ADAMTS5: variants seen among roughly 807,000 people sequenced by gnomAD.
The protein encoded by ADAMTS5 is ADAM metallopeptidase with thrombospondin type 1 motif 5, also known as A disintegrin and metalloproteinase with thrombospondin motifs 5.
ADAMTS5 carries 54 observed loss-of-function variants against 81.4 expected under a neutral mutation model. The ratio of observed to expected loss-of-function variants is 0.66; its 90% CI spans 0.53 to 0.83. The LOEUF (loss-of-function observed/expected upper bound fraction) is 0.83. Ranked by LOEUF, ADAMTS5 falls within the 40% of genes least tolerant of loss-of-function variation. The probability of loss-of-function intolerance (pLI) is 0.00; values close to 1 mark genes in which losing one functional copy is unlikely to be tolerated. For synonymous variants in ADAMTS5, 532 were observed against 508.8 expected, an observed-to-expected ratio of 1.05 and a Z score of -0.61; for missense variants, 1,194 against 1,229.9, an observed-to-expected ratio of 0.97 and a Z score of 0.44.
intron 7 of ADAMTS5, among the ~76,000 whole-genome samples, chr21:26,924,999 A>G (rs1413406657): frequency 6.6e-6 from 1 of 152,228 alleles, no homozygotes; most frequent in Non-Finnish European, 1.5e-5. Context: ...TTTAAACACA[A>G]ACTGACAAAA....
chr21:26,960,429 G>A (rs964275825), intron 1 of ADAMTS5, among the ~76,000 whole-genome samples: 1 of 152,150 alleles, frequency 6.6e-6, no homozygotes, highest in African/African-American at 2.4e-5. Context: ...TTTGGAGATA[G>A]GGCCTACAAG....
At chr21:26,951,440 T>G (rs1329028578) in intron 2 of ADAMTS5, among the ~76,000 whole-genome samples, 1 of 151,940 alleles carries the variant, frequency 6.6e-6, no homozygotes, top group Non-Finnish European at 1.5e-5. Context: ...ACTTTGACCA[T>G]ATACACATCT....
At position 26,933,552 on chromosome 21, in the gene ADAMTS5, A is replaced by C. The variant is rs16979458; in HGVS notation, c.1690-508T>G. ...GTCTGTGACCGACTCCATGACGTTC[A>C]TAAATGTACCGGACCCAACTTGGCT... On this transcript the variant is annotated intron_variant, in intron 4 of 7. Coordinates refer to ENST00000284987, the MANE Select transcript of ADAMTS5 (RefSeq NM_007038.5). Among the ~76,000 whole-genome samples the C allele has an allele frequency of 0.016, 2,363 of 152,324 alleles. 176 individuals are homozygous for C. The East Asian group carries it at 0.24, about 15-fold the overall frequency.
At chr21:26,927,776 C>T (rs540272311) in intron 7 of ADAMTS5, among the ~76,000 whole-genome samples, 4 of 151,792 alleles carry the variant, frequency 2.6e-5, no homozygotes, top group African/African-American at 7.2e-5. Flanking sequence ...CAGAGGTCAG[C>T]GAGAAGACTG....
rs745414572 is a variant in ADAMTS5 at position 26,966,020 on chromosome 21, C to A, written c.372G>T (p.Trp124Cys). ...VPAGGGTSAP[W>C]RHRSHCFYRG... ...GATAGAAGCAGTGGCTCCGGTGGCG[C>A]CAGGGCGCACTCGTCCCGCCTCCTG... is the stretch of plus-strand genomic sequence containing the variant. Residue 124 changes from tryptophan to cysteine, a missense_variant, in exon 1 of 8, where the codon TGG becomes TGT. Physicochemically the swap from Trp to Cys is radical, Grantham distance 215. Coordinates refer to ENST00000284987, the MANE Select transcript of ADAMTS5 (RefSeq NM_007038.5). 1.9e-6 allele frequency: 3 copies of A among 1,612,930 alleles called. No homozygotes were observed. In the African/African-American group the frequency reaches 4.0e-5, roughly 22 times the overall value.
intron 5 of ADAMTS5, among the ~76,000 whole-genome samples, 192 bp from the exon 6 acceptor site, chr21:26,932,371 T>C (rs976531272): frequency 6.6e-6 from 1 of 152,102 alleles, no homozygotes; most frequent in African/African-American, 2.4e-5. Flanking sequence ...ATTCCAATTC[T>C]CTGAATATTG....
Position 26,966,088 on chromosome 21 carries a change from G to T in ADAMTS5, c.304C>A (p.Leu102Met). ...ATGCCCACCGAACCATCTCGCTCCA[G>T]GTCCAAGAGGAACCTCCGGCCGCCC... is the stretch of plus-strand genomic sequence containing the variant. The part of the protein sequence containing the change: ...YAGGRRFLLD[L>M]ERDGSVGIAG... Residue 102 changes from leucine to methionine, a missense_variant, in exon 1 of 8, where the codon CTG becomes ATG. Leu to Met is a conservative substitution (Grantham distance 15). This residue lies in a region of ADAMTS5 where 498 missense variants were observed against 412.3 expected (regional missense o/e 1.21). Coordinates refer to ENST00000284987, the MANE Select transcript of ADAMTS5 (RefSeq NM_007038.5). 6.2e-7 allele frequency: 1 copy of T among 1,612,960 alleles called. No individual in the cohort carries two copies.
At chr21:26,938,736 G>A (rs559494735) in intron 3 of ADAMTS5, among the ~76,000 whole-genome samples, 2 of 152,256 alleles carry the variant, frequency 1.3e-5, no homozygotes, top group East Asian at 3.9e-4. Context: ...CGCCGTGTTG[G>A]CCAGGCTGGT....
chr21:26,954,280 TA>T (rs1987376748), intron 2 of ADAMTS5, among the ~76,000 whole-genome samples: 1 of 152,094 alleles, frequency 6.6e-6, no homozygotes, highest in African/African-American at 2.4e-5. Flanking sequence ...ATATTTACCA[TA>T]AGCCATTGAT....
At position 26,922,732 on chromosome 21, in the gene ADAMTS5, C is replaced by T. The variant is rs1986723942; in HGVS notation, c.*1321G>A. On this transcript the variant is annotated 3_prime_UTR_variant, in exon 8 of 8. Transcript: ENST00000284987. ...CTTTCTGAAAATCATCACATGTCAT[C>T]ACTCAAACACTTACGGGTACAATCA... is the stretch of plus-strand genomic sequence containing the variant. 1 of 152,536 alleles carries T rather than the reference C, an allele frequency of 6.6e-6. No individual in the cohort carries two copies. Among genetic ancestry groups the T allele is most frequent in the East Asian group, 1.9e-4 (1 of 5,200 alleles). The allele number at this position is 152,536 out of a possible 1,614,324, so 9.4% of individuals were successfully genotyped here.
chr21:26,966,249 C>T lies in ADAMTS5; in HGVS notation c.143G>A (p.Gly48Glu), dbSNP rs754475925. ...CTCGGCTCGCTCCTGCACCTCCTCC[C>T]CCTGCCGCCGGCGGGGCTGGGCGGC... The part of the protein sequence containing the change: ...AAAAQPRRRQ[G>E]EEVQERAEPP... Residue 48 changes from glycine (G) to glutamate (E), a missense_variant, in exon 1 of 8, where the codon GGG (glycine) becomes GAG (glutamate). Around this residue, in one of 2 missense-constraint regions of ADAMTS5, gnomAD observed 498 missense variants for 412.3 expected, o/e 1.21. Coordinates refer to ENST00000284987, the MANE Select transcript of ADAMTS5 (RefSeq NM_007038.5). 3.1e-6 allele frequency: 5 copies of T among 1,598,458 alleles called. No homozygotes were observed. In the South Asian group the frequency reaches 3.3e-5, roughly 11 times the overall value.
intron 2 of ADAMTS5, among the ~76,000 whole-genome samples, chr21:26,954,401 A>G (rs1299641826): frequency 1.3e-5 from 2 of 152,170 alleles, no homozygotes; most frequent in African/African-American, 4.8e-5. Context: ...AGTAACTTCT[A>G]AGAAGGACAT....
At chr21:26,930,163 G>T in intron 6 of ADAMTS5, 102 bp from the exon 7 acceptor site, 1 of 1,122,706 alleles carries the variant, frequency 8.9e-7, no homozygotes, top group Non-Finnish European at 1.2e-6. Flanking sequence ...GAGTTTGATT[G>T]GTATGGACAG....
rs1469695928 is a variant in ADAMTS5, at chr21:26,924,122, C to T, written c.2724G>A (p.Lys908=). ...GGGAGAGAGGACATCCTTTTGCTAA[C>T]TTCCGGTTTCCATCCTGGCACTGCA... ...RTVQCQDGNR[K]LAKGCPLSQR... Residue 908 remains lysine, a synonymous_variant, in exon 8 of 8, where the codon AAG becomes AAA. Coordinates refer to ENST00000284987, the MANE Select transcript of ADAMTS5 (RefSeq NM_007038.5). 1 of 1,612,746 alleles carries T rather than the reference C, an allele frequency of 6.2e-7. No homozygotes were observed. Among genetic ancestry groups the T allele is most frequent in the South Asian group, 1.1e-5 (1 of 91,070 alleles).
intron 2 of ADAMTS5, among the ~76,000 whole-genome samples, chr21:26,944,572 C>G (rs1385689484): frequency 6.6e-6 from 1 of 152,168 alleles, no homozygotes; most frequent in Non-Finnish European, 1.5e-5. Flanking sequence ...CAATTACAAA[C>G]TCTAAAAAGT....
At chr21:26,942,606 G>T (rs1233341873) in intron 3 of ADAMTS5, among the ~76,000 whole-genome samples, 1 of 152,032 alleles carries the variant, frequency 6.6e-6, no homozygotes, top group Non-Finnish European at 1.5e-5. Context: ...AGAATGCTTG[G>T]AAATTTGCAA....
intron 1 of ADAMTS5, among the ~76,000 whole-genome samples, chr21:26,963,076 A>G (rs1489537774): frequency 2.0e-5 from 3 of 151,940 alleles, no homozygotes; most frequent in Non-Finnish European, 4.4e-5. Context: ...GCCAACCACA[A>G]ATGAAATTTG....
intron 1 of ADAMTS5, among the ~76,000 whole-genome samples, chr21:26,957,292 T>C (rs1015960815): frequency 1.3e-5 from 2 of 152,216 alleles, no homozygotes; most frequent in African/African-American, 4.8e-5. Context: ...CTTAAATTCT[T>C]AAATTCTGAG....
chr21:26,952,540 G>C (rs1163161997), intron 2 of ADAMTS5, among the ~76,000 whole-genome samples: 1 of 152,212 alleles, frequency 6.6e-6, no homozygotes, highest in East Asian at 1.9e-4. Flanking sequence ...CCCTGAAGAA[G>C]CTGCACTTAT....
Sources: gnomAD v4.1 joint callset for allele counts (sites outside exome capture counted in the v4.1 genomes callset) on GRCh38, gnomAD v4.1.1 for gene constraint, gnomAD v4.1.1 regional missense constraint, MANE v1.5 for transcripts, NCBI Gene and HGNC (gene_info 2026-07-23, HGNC 2026-07-21) for gene names.